SNTG1: variants seen among roughly 807,000 people sequenced by gnomAD.
SNTG1 encodes the protein syntrophin gamma 1.
SNTG1 carries 39 observed loss-of-function variants against 74.7 expected under a neutral mutation model. The observed-to-expected ratio is 0.52, with a 90% confidence interval of 0.40 to 0.68. The LOEUF (loss-of-function observed/expected upper bound fraction) is 0.68. SNTG1 is among the 30% of genes least tolerant of loss of function. The pLI is 0.00. For missense variants in SNTG1, 685 were observed against 609.5 expected (o/e 1.12, Z -1.30); for synonymous variants, 254 against 217.1 (o/e 1.17, Z -1.49).
intron 12 of SNTG1, among the ~76,000 whole-genome samples, chr8:50,561,281 G>C (rs1343822537): frequency 6.6e-6 from 1 of 152,050 alleles, no homozygotes; most frequent in Non-Finnish European, 1.5e-5. Context: ...GTTTCCTGAG[G>C]CCTCCCCAGC....
Position 50,734,792 on chromosome 8 carries a change from T to C in SNTG1, c.1285-17209T>C, listed in dbSNP as rs556946205. ...GGACATATATATAGATATCTATATA[T>C]ATGGACATATATATAGATATCTATA... On this transcript the variant is annotated intron_variant, in intron 17 of 18. Transcript: ENST00000642720. Among the ~76,000 whole-genome samples, 80 of 104,572 alleles carry C rather than the reference T, an allele frequency of 7.7e-4. 6 individuals carry two copies. Among genetic ancestry groups the C allele is most frequent in the African/African-American group, 3.2e-3 (65 of 20,312 alleles). 68.6% of individuals were successfully genotyped at this position (104,572 alleles called of 152,430 possible). A position where few individuals can be genotyped will look rare whatever the true frequency, so the allele number is the denominator to read the frequency against.
At position 50,089,283 on chromosome 8, in the gene SNTG1, G is replaced by A. The variant is rs984258571; in HGVS notation, c.-102-83278G>A. On this transcript the variant is annotated intron_variant, in intron 1 of 18. Coordinates refer to ENST00000642720, the MANE Select transcript of SNTG1 (RefSeq NM_018967.5). ...AGATGGATTAAAGATTTAAACGTTA[G>A]ACCTAAAACCATAAAAACCCTAGAA... Among the ~76,000 whole-genome samples, 89 of 152,102 alleles carry A rather than the reference G, an allele frequency of 5.9e-4. 1 individual carries two copies. Among genetic ancestry groups the A allele is most frequent in the Middle Eastern group, 3.4e-3 (1 of 294 alleles).
chr8:50,025,823 T>C (rs1408154773), intron 1 of SNTG1, among the ~76,000 whole-genome samples: 1 of 152,206 alleles, frequency 6.6e-6, no homozygotes, highest in Non-Finnish European at 1.5e-5. Context: ...TCTTTTCTTC[T>C]CTCATGGTTA....
chr8:50,305,869 CA>C (rs1217795787), intron 2 of SNTG1, among the ~76,000 whole-genome samples: 1 of 149,556 alleles, frequency 6.7e-6, no homozygotes, highest in Non-Finnish European at 1.5e-5. Flanking sequence ...CCAACATTGC[CA>C]AAAGTTATAC....
At chr8:50,048,435 T>G (rs1259326699) in intron 1 of SNTG1, among the ~76,000 whole-genome samples, 1 of 152,218 alleles carries the variant, frequency 6.6e-6, no homozygotes, top group Non-Finnish European at 1.5e-5. Context: ...GATCCTCATG[T>G]GCAGCATTAC....
At chr8:50,383,607 G>C (rs2092526249) in intron 2 of SNTG1, among the ~76,000 whole-genome samples, 1 of 152,106 alleles carries the variant, frequency 6.6e-6, no homozygotes, top group African/African-American at 2.4e-5. Context: ...CTTATTCCTT[G>C]TGTCCTCAGC....
rs2095521676 is a variant in SNTG1, at chr8:50,734,739, GGACATGTATATAGATA to G, written c.1285-17261_1285-17246del. Among the ~76,000 whole-genome samples, 10 of 81,522 alleles carry G rather than the reference GGACATGTATATAGATA, an allele frequency of 1.2e-4. No homozygotes were observed. The South Asian group carries it at 4.3e-3, about 35-fold the overall frequency. The allele number at this position is 81,522 out of a possible 152,430, so 53.5% of individuals were successfully genotyped here. A position where few individuals can be genotyped will look rare whatever the true frequency, so the allele number is the denominator to read the frequency against. On this transcript the variant is annotated intron_variant, in intron 17 of 18. Transcript: ENST00000642720. ...ATGGACATTATATATCTATATATAT[GGACATGTATATAGATA>G]TCTATATATATGGACATATATATAG...
intron 1 of SNTG1, among the ~76,000 whole-genome samples, chr8:50,098,858 A>T (rs773809220): frequency 4.6e-5 from 7 of 152,122 alleles, no homozygotes; most frequent in African/African-American, 7.2e-5. Flanking sequence ...GTGCACTTTC[A>T]TTGGAGTTCA....
At chr8:50,079,634 T>C (rs1439737092) in intron 1 of SNTG1, among the ~76,000 whole-genome samples, 1 of 152,190 alleles carries the variant, frequency 6.6e-6, no homozygotes, top group Non-Finnish European at 1.5e-5. Flanking sequence ...CTGAAGTCTT[T>C]GCTCATGCCT....
At chr8:50,585,308 C>T (rs2094640839) in intron 12 of SNTG1, among the ~76,000 whole-genome samples, 2 of 152,158 alleles carry the variant, frequency 1.3e-5, no homozygotes, top group Non-Finnish European at 2.9e-5. Context: ...CCATTCTGCT[C>T]CTTTTACAGC....
At chr8:50,754,024 A>G (rs1218532971) in intron 18 of SNTG1, among the ~76,000 whole-genome samples, 1 of 151,976 alleles carries the variant, frequency 6.6e-6, no homozygotes, top group Non-Finnish European at 1.5e-5. Flanking sequence ...TCACCTGAAC[A>G]TTACCTCTGC....
chr8:49,964,559 T>G (rs1347020507), intron 1 of SNTG1, among the ~76,000 whole-genome samples: 1 of 152,238 alleles, frequency 6.6e-6, no homozygotes, highest in African/African-American at 2.4e-5. Context: ...ATACTCTATC[T>G]GTTCTGTTTC....
At chr8:50,486,451 C>G (rs368282970) in intron 8 of SNTG1, among the ~76,000 whole-genome samples, 6 of 96,934 alleles carry the variant, frequency 6.2e-5, no homozygotes, top group South Asian at 7.7e-4. Flanking sequence ...CTCTCTGTTT[C>G]TCTGTTGTTG....
At chr8:49,929,481 C>T (rs1299212927) in intron 1 of SNTG1, among the ~76,000 whole-genome samples, 2 of 152,186 alleles carry the variant, frequency 1.3e-5, no homozygotes, top group African/African-American at 2.4e-5. Context: ...ACTTTCTGGG[C>T]TGTGAAATGG....
intron 1 of SNTG1, among the ~76,000 whole-genome samples, chr8:49,997,294 T>C (rs989502799): frequency 2.0e-5 from 3 of 152,184 alleles, no homozygotes; most frequent in Non-Finnish European, 4.4e-5. Context: ...TCGCTTTCCA[T>C]AAATTCTTTC....
rs2131530959 is a variant in SNTG1 at position 50,704,693 on chromosome 8, C to T, written c.1132C>T (p.Leu378Phe). 2 of 1,614,120 alleles carry T rather than the reference C, an allele frequency of 1.2e-6. No individual in the cohort carries two copies. The highest frequency in any genetic ancestry group is 2.2e-5 in the East Asian group (1 of 44,862). The change falls in exon 16 of 19, where the codon CTC (leucine) becomes TTC (phenylalanine). Residue 378 changes from leucine to phenylalanine, a missense_variant. Leu to Phe is a conservative substitution (Grantham distance 22, BLOSUM62 0). Coordinates refer to ENST00000642720, the MANE Select transcript of SNTG1 (RefSeq NM_018967.5). Reference protein sequence around the residue: ...LYFSVELESDLAQWERAFQTA... With the variant: ...LYFSVELESDFAQWERAFQTA... ...CTTCTCAGTGGAGCTGGAAAGTGACCTCGCCCAGTGGGAAAGAGCCTTCCA... is the reference window on the plus strand; with the variant it reads ...CTTCTCAGTGGAGCTGGAAAGTGACTTCGCCCAGTGGGAAAGAGCCTTCCA...
At chr8:50,491,694 CTTAT>C (rs113358818) in intron 8 of SNTG1, among the ~76,000 whole-genome samples, 5,327 of 150,468 alleles carry the variant, frequency 0.035, 235 homozygotes, top group African/African-American at 0.11. Context: ...TGATCCAGAA[CTTAT>C]TTATTTATTT....
chr8:50,789,620 A>G (rs2095685643), intron 18 of SNTG1, among the ~76,000 whole-genome samples: 1 of 151,896 alleles, frequency 6.6e-6, no homozygotes, highest in Non-Finnish European at 1.5e-5. Flanking sequence ...TTTTCCCATA[A>G]TTTCTCCATT....
intron 15 of SNTG1, among the ~76,000 whole-genome samples, chr8:50,693,107 G>A (rs990792098): frequency 7.2e-5 from 11 of 152,232 alleles, no homozygotes; most frequent in South Asian, 4.1e-4. Flanking sequence ...TTGGAAAAGC[G>A]CAGTATTAGG....
Sources: allele counts gnomAD v4.1 joint callset (sites outside exome capture counted in the v4.1 genomes callset), GRCh38; gene constraint gnomAD v4.1.1; transcripts MANE v1.5; gene names NCBI Gene and HGNC (gene_info 2026-07-23, HGNC 2026-07-21).